The following BRWD1 variants were observed in gnomAD, a reference collection of about 807,000 sequenced individuals.
The protein encoded by BRWD1 is bromodomain and WD repeat-containing protein 1.
BRWD1 carries 82 observed loss-of-function variants against 251.2 expected under a neutral mutation model. The ratio of observed to expected loss-of-function variants is 0.33; its 90% CI spans 0.27 to 0.39. BRWD1 has a LOEUF of 0.39. BRWD1 is among the 10% of genes least tolerant of loss of function. The pLI is 1.00. For missense variants in BRWD1, 2,233 were observed against 2,711.6 expected, an observed-to-expected ratio of 0.82 and a Z score of 3.92; for synonymous variants, 918 against 902.8, an observed-to-expected ratio of 1.02 and a Z score of -0.30.
intron 29 of BRWD1, among the ~76,000 whole-genome samples, chr21:39,219,125 G>GA (rs1238184356): frequency 6.6e-6 from 1 of 152,030 alleles, no homozygotes; most frequent in Non-Finnish European, 1.5e-5. Context: ...GGTATTTCTT[G>GA]AAAAAATAAG....
At chr21:39,244,300 G>A (rs529102890) in intron 21 of BRWD1, among the ~76,000 whole-genome samples, 4 of 152,022 alleles carry the variant, frequency 2.6e-5, no homozygotes, top group South Asian at 2.1e-4. Context: ...TCCTGCCCTT[G>A]TGATCCACCC....
intron 37 of BRWD1, among the ~76,000 whole-genome samples, chr21:39,204,153 CAAA>C (rs11356696): frequency 2.9e-5 from 1 of 34,350 alleles, no homozygotes; most frequent in Non-Finnish European, 5.9e-5. Context: ...AACTCCATCT[CAAA>C]AAAAAAAAAA....
intron 4 of BRWD1, among the ~76,000 whole-genome samples, chr21:39,305,886 T>A (rs1157962212): frequency 6.8e-6 from 1 of 147,804 alleles, no homozygotes; most frequent in African/African-American, 2.5e-5. Context: ...AAAAAAACCT[T>A]ATCGGGGTGT....
At chr21:39,241,931 A>T (rs1012948871) in intron 21 of BRWD1, among the ~76,000 whole-genome samples, 1 of 152,258 alleles carries the variant, frequency 6.6e-6, no homozygotes, top group Non-Finnish European at 1.5e-5. Flanking sequence ...CACTAGGAAC[A>T]ATACTCATAT....
chr21:39,266,254 C>T (rs2034917719), intron 15 of BRWD1, among the ~76,000 whole-genome samples: 1 of 140,320 alleles, frequency 7.1e-6, no homozygotes. Context: ...ATAAGATGTG[C>T]ATATTAATTC....
chr21:39,246,870 C>T (rs1410076191), intron 21 of BRWD1, among the ~76,000 whole-genome samples: 2 of 152,174 alleles, frequency 1.3e-5, no homozygotes, highest in Non-Finnish European at 2.9e-5. Context: ...ATCACAAGGT[C>T]AAGAGATCCA....
chr21:39,231,191 T>C (rs1280631153), intron 25 of BRWD1, among the ~76,000 whole-genome samples: 2 of 152,160 alleles, frequency 1.3e-5, no homozygotes, highest in African/African-American at 4.8e-5. Flanking sequence ...AATAAAAATA[T>C]AAAAAATAAA....
At chr21:39,299,597 A>T (rs2036053210) in intron 4 of BRWD1, among the ~76,000 whole-genome samples, 1 of 152,180 alleles carries the variant, frequency 6.6e-6, no homozygotes, top group Admixed American at 6.6e-5. Flanking sequence ...AACTTTAAAA[A>T]ATGTATAAAC....
intron 4 of BRWD1, among the ~76,000 whole-genome samples, chr21:39,300,681 T>C (rs115524611): frequency 1.2e-3 from 189 of 152,212 alleles, no homozygotes; most frequent in African/African-American, 4.2e-3. Context: ...AGTTACAGCA[T>C]ACCTCAAAAA....
At chr21:39,281,655 C>A (rs1455766359) in intron 8 of BRWD1, among the ~76,000 whole-genome samples, 1 of 152,144 alleles carries the variant, frequency 6.6e-6, no homozygotes, top group Non-Finnish European at 1.5e-5. Context: ...CATGGTGAAA[C>A]ACCACCTCTA....
chr21:39,283,020 A>G (rs1161051600), intron 8 of BRWD1, among the ~76,000 whole-genome samples: 1 of 151,774 alleles, frequency 6.6e-6, no homozygotes, highest in Non-Finnish European at 1.5e-5. Flanking sequence ...TGTTTAAGTC[A>G]CCTGTTCTAA....
intron 23 of BRWD1, among the ~76,000 whole-genome samples, chr21:39,236,182 G>T (rs886386925): frequency 1.3e-5 from 2 of 152,242 alleles, no homozygotes; most frequent in East Asian, 3.9e-4. Flanking sequence ...TCTCTCGCGG[G>T]GAGACCAGGG....
intron 19 of BRWD1, among the ~76,000 whole-genome samples, chr21:39,251,513 A>G (rs2034392737): frequency 6.6e-6 from 1 of 152,234 alleles, no homozygotes; most frequent in Non-Finnish European, 1.5e-5. Context: ...TCAAAGGAAA[A>G]AGATTTATAC....
chr21:39,216,632 T>C (rs1238711412), intron 31 of BRWD1: 14 of 340,800 alleles, frequency 4.1e-5, no homozygotes, highest in South Asian at 8.7e-5. Flanking sequence ...TATATGACTG[T>C]ATAAATAACA....
chr21:39,206,442 G>T (rs979019653), intron 36 of BRWD1, among the ~76,000 whole-genome samples, 168 bp from the exon 37 acceptor site: 2 of 152,170 alleles, frequency 1.3e-5, no homozygotes, highest in African/African-American at 4.8e-5. Context: ...ACATCTGGAA[G>T]TAAGAAGTAT....
rs2031994091 is a variant in BRWD1, at chr21:39,199,404, C to T, written c.5012G>A (p.Arg1671Lys). ...TTCAGAATTATGTAATAACTTTTTT[C>T]TAGCTACAGCAGAAGCATTGCGGTG... Reference protein sequence around the residue: ...LPHRNASAVARKKLLHNSEDE... With the variant: ...LPHRNASAVAKKKLLHNSEDE... The change falls in exon 40 of 41, where the codon AGA (arginine) becomes AAA (lysine). Residue 1671 changes from arginine to lysine, a missense_variant. Arg to Lys is a conservative substitution (Grantham distance 26). Transcript: ENST00000342449. 1.2e-6 allele frequency: 2 copies of T among 1,614,088 alleles called. No individual in the cohort carries two copies. Among genetic ancestry groups the T allele is most frequent in the Non-Finnish European group, 1.7e-6 (2 of 1,180,036 alleles).
intron 13 of BRWD1, among the ~76,000 whole-genome samples, chr21:39,272,201 G>A (rs1172692133): frequency 1.3e-5 from 2 of 151,344 alleles, no homozygotes; most frequent in Non-Finnish European, 2.9e-5. Flanking sequence ...TTGGGAGGGC[G>A]ACGCGGGTGG....
At chr21:39,313,331 C>A in intron 1 of BRWD1, 32 bp from the exon 2 acceptor site, 1 of 1,500,400 alleles carries the variant, frequency 6.7e-7, no homozygotes, top group Admixed American at 2.0e-5. Context: ...GGTCAAGCCC[C>A]GGCGGGGAGG....
At chr21:39,265,348 C>T (rs1046725857) in intron 15 of BRWD1, among the ~76,000 whole-genome samples, 6 of 152,054 alleles carry the variant, frequency 3.9e-5, no homozygotes, top group African/African-American at 1.4e-4. Flanking sequence ...TCGTTTGAAC[C>T]GGGGAGGCAG....
Sources: gnomAD v4.1 joint callset for allele counts (sites outside exome capture counted in the v4.1 genomes callset) on GRCh38, gnomAD v4.1.1 for gene constraint, MANE v1.5 for transcripts, NCBI Gene and HGNC (gene_info 2026-07-23, HGNC 2026-07-21) for gene names.